KCNAB1: variants seen among roughly 807,000 people sequenced by gnomAD.
KCNAB1 encodes the protein potassium voltage-gated channel subfamily A regulatory beta subunit 1, also known as voltage-gated potassium channel subunit beta-1.
A neutral mutation model predicts 64.6 loss-of-function variants in KCNAB1; 35 were observed. That is an observed-to-expected ratio of 0.54 (90% CI 0.41 to 0.72). The LOEUF is 0.72. Ranked by LOEUF, KCNAB1 falls within the 30% of genes least tolerant of loss-of-function variation. The probability of loss-of-function intolerance (pLI) is 0.00; values close to 1 mark genes in which losing one functional copy is unlikely to be tolerated. For missense variants in KCNAB1, 401 were observed against 512.9 expected (o/e 0.78, Z 2.11); for synonymous variants, 177 against 183.8 (o/e 0.96, Z 0.30).
rs1719163680 is a variant in KCNAB1, at chr3:156,537,869, A to G, written c.*1122A>G. ...AACCACTGGCTTTGTGAAAAATGCT[A>G]TGTCACTATTCAGAATATGCTGGGT... is the stretch of plus-strand genomic sequence containing the variant. On this transcript the variant is annotated 3_prime_UTR_variant, in exon 14 of 14. Coordinates refer to ENST00000490337, the MANE Select transcript of KCNAB1 (RefSeq NM_172160.3). 6.6e-6 allele frequency: 1 copy of G among 152,438 alleles called. No homozygotes were observed. The highest frequency in any genetic ancestry group is 2.1e-4 in the South Asian group (1 of 4,838). 9.4% of individuals were successfully genotyped at this position (152,438 alleles called of 1,614,324 possible).
At chr3:156,286,918 C>T (rs115334513) in intron 1 of KCNAB1, among the ~76,000 whole-genome samples, 1 of 152,092 alleles carries the variant, frequency 6.6e-6, no homozygotes, top group Non-Finnish European at 1.5e-5. Flanking sequence ...TTCTCTGAGT[C>T]TCATGTTTCT....
chr3:156,387,014 C>CTCTCTTTTTTTTTTTTTTT (rs60888308), intron 1 of KCNAB1, among the ~76,000 whole-genome samples: 7 of 90,526 alleles, frequency 7.7e-5, no homozygotes, highest in African/African-American at 3.3e-4. Context: ...TTCTCTCTCT[C>CTCTCTTTTTTTTTTTTTTT]TTTTTTTTTT....
chr3:156,345,931 A>G (rs1012641157), intron 1 of KCNAB1, among the ~76,000 whole-genome samples: 7 of 152,224 alleles, frequency 4.6e-5, no homozygotes, highest in East Asian at 3.9e-4. Context: ...AATAAATACA[A>G]TTTTGCTCAG....
chr3:156,268,738 T>C (rs1411367098), intron 1 of KCNAB1, among the ~76,000 whole-genome samples: 1 of 152,238 alleles, frequency 6.6e-6, no homozygotes, highest in East Asian at 1.9e-4. Context: ...TAAAGTTGGT[T>C]GAGCTTCTTA....
At chr3:156,229,557 C>A (rs1021501965) in intron 1 of KCNAB1, among the ~76,000 whole-genome samples, 1 of 152,178 alleles carries the variant, frequency 6.6e-6, no homozygotes, top group Non-Finnish European at 1.5e-5. Flanking sequence ...GAAAGGACAA[C>A]ACTTATTCAT....
intron 8 of KCNAB1, among the ~76,000 whole-genome samples, chr3:156,511,894 C>T (rs1339748506): frequency 2.0e-5 from 3 of 152,222 alleles, no homozygotes; most frequent in Non-Finnish European, 4.4e-5. Flanking sequence ...CCCTGTCCTC[C>T]TTCCCTCCCA....
chr3:156,281,025 A>G (rs1281792676), intron 1 of KCNAB1, among the ~76,000 whole-genome samples: 3,418 of 149,280 alleles, frequency 0.023, 146 homozygotes, highest in African/African-American at 0.082. Flanking sequence ...GTGAGAGAGG[A>G]CATCCCTGTC....
intron 1 of KCNAB1, among the ~76,000 whole-genome samples, chr3:156,313,275 T>C (rs1180704665): frequency 6.6e-6 from 1 of 152,186 alleles, no homozygotes; most frequent in Non-Finnish European, 1.5e-5. Flanking sequence ...TCTGAAAACA[T>C]TTCCTCCCAC....
intron 1 of KCNAB1, among the ~76,000 whole-genome samples, chr3:156,219,822 CT>C (rs1715588261): frequency 6.6e-6 from 1 of 151,882 alleles, no homozygotes; most frequent in Admixed American, 6.6e-5. Context: ...TACCCATCAA[CT>C]CGTCATTTAC....
chr3:156,458,289 C>T (rs1366524960), intron 4 of KCNAB1, among the ~76,000 whole-genome samples: 2 of 152,182 alleles, frequency 1.3e-5, no homozygotes, highest in Non-Finnish European at 2.9e-5. Flanking sequence ...TCAGGCCATC[C>T]AAGTCCCAGC....
intron 1 of KCNAB1, among the ~76,000 whole-genome samples, chr3:156,137,915 G>A (rs902521107): frequency 6.6e-5 from 10 of 152,018 alleles, no homozygotes; most frequent in African/African-American, 2.4e-4. Context: ...CTTTACTGCT[G>A]ATGTTGTCTC....
intron 1 of KCNAB1, among the ~76,000 whole-genome samples, chr3:156,350,664 C>T (rs773989303): frequency 2.0e-5 from 3 of 152,146 alleles, no homozygotes; most frequent in African/African-American, 7.2e-5. Flanking sequence ...TGCTTCATAA[C>T]CTTTGCCTCC....
At chr3:156,379,825 T>C (rs1405128753) in intron 1 of KCNAB1, among the ~76,000 whole-genome samples, 1 of 151,976 alleles carries the variant, frequency 6.6e-6, no homozygotes, top group Non-Finnish European at 1.5e-5. Context: ...TGGGAGGTGG[T>C]TTCAATGATC....
chr3:156,356,926 C>G (rs1243510402), intron 1 of KCNAB1, among the ~76,000 whole-genome samples: 1 of 152,216 alleles, frequency 6.6e-6, no homozygotes, highest in African/African-American at 2.4e-5. Context: ...CTAGTTGGCT[C>G]TGTCTTTCCA....
intron 13 of KCNAB1, among the ~76,000 whole-genome samples, chr3:156,531,733 A>C (rs1034276238): frequency 3.3e-5 from 5 of 152,238 alleles, no homozygotes; most frequent in African/African-American, 1.2e-4. Flanking sequence ...AGTGCATTGC[A>C]GTGTTATACG....
chr3:156,175,243 T>TA lies in KCNAB1; in HGVS notation c.275+54367dup, dbSNP rs896380026. On this transcript the variant is annotated intron_variant, in intron 1 of 13. Transcript: ENST00000490337. ...AATATCCTACAAGCCAGTTACTAAA[T>TA]AAAAAAAAAATCCCAACCAGCAAAT... 1.8e-4 allele frequency among the ~76,000 whole-genome samples: 26 copies of TA among 146,400 alleles called. No individual in the cohort carries two copies. The East Asian group carries it at 2.0e-3, about 11-fold the overall frequency.
chr3:156,256,405 A>G (rs1019912619), intron 1 of KCNAB1, among the ~76,000 whole-genome samples: 1 of 152,242 alleles, frequency 6.6e-6, no homozygotes, highest in Non-Finnish European at 1.5e-5. Flanking sequence ...CCCAGCATTT[A>G]TGGCTGATGC....
rs74482595 is a variant in KCNAB1 at position 156,181,116 on chromosome 3, A to G, written c.275+60230A>G. ...CACCAGCTATCTTAGATTAGAGCACACCCTAATGATCTCATTTTAATTTAA... is the reference window on the plus strand; with the variant it reads ...CACCAGCTATCTTAGATTAGAGCACGCCCTAATGATCTCATTTTAATTTAA... On this transcript the variant is annotated intron_variant, in intron 1 of 13. Transcript: ENST00000490337. Among the ~76,000 whole-genome samples, 1,489 of 152,204 alleles carry G rather than the reference A, an allele frequency of 9.8e-3. 12 individuals are homozygous for G. Among genetic ancestry groups the G allele is most frequent in the Non-Finnish European group, 0.017 (1,153 of 67,994 alleles).
intron 1 of KCNAB1, among the ~76,000 whole-genome samples, chr3:156,387,673 A>G (rs939648603): frequency 2.6e-5 from 4 of 152,218 alleles, no homozygotes; most frequent in South Asian, 4.1e-4. Flanking sequence ...GTAGAAAAAT[A>G]TAGATTTTTC....
Sources: gnomAD v4.1 joint callset for allele counts (sites outside exome capture counted in the v4.1 genomes callset) on GRCh38, gnomAD v4.1.1 for gene constraint, MANE v1.5 for transcripts, NCBI Gene and HGNC (gene_info 2026-07-23, HGNC 2026-07-21) for gene names.